Variants in CNTNAP2 observed in about 807,000 individuals in gnomAD.
CNTNAP2 encodes contactin-associated protein-like 2.
A neutral mutation model predicts 155.2 loss-of-function variants in CNTNAP2; 98 were observed. That is an observed-to-expected ratio of 0.63 (90% CI 0.54 to 0.75). The LOEUF is 0.75. Ranked by LOEUF, CNTNAP2 falls within the 30% of genes least tolerant of loss-of-function variation. CNTNAP2 has a pLI of 0.00. For missense variants in CNTNAP2, 1,727 were observed against 1,688.1 expected (o/e 1.02, Z -0.40); for synonymous variants, 651 against 631.2 (o/e 1.03, Z -0.47).
intron 20 of CNTNAP2, among the ~76,000 whole-genome samples, chr7:148,255,636 A>G (rs1796442631): frequency 6.6e-6 from 1 of 152,196 alleles, no homozygotes; most frequent in Non-Finnish European, 1.5e-5. Context: ...TATGATTTCA[A>G]TTACTCTAGA....
At chr7:147,060,942 G>A (rs1193155614) in intron 4 of CNTNAP2, among the ~76,000 whole-genome samples, 1 of 152,146 alleles carries the variant, frequency 6.6e-6, no homozygotes, top group Non-Finnish European at 1.5e-5. Flanking sequence ...CTGAGATGTA[G>A]TATTATGGAT....
chr7:146,739,933 A>C (rs181978029), intron 1 of CNTNAP2, among the ~76,000 whole-genome samples: 61 of 152,202 alleles, frequency 4.0e-4, no homozygotes, highest in Non-Finnish European at 7.5e-4. Context: ...CTTGGAGTCC[A>C]TTTAATCTTA....
At chr7:147,560,641 G>T (rs546618836) in intron 11 of CNTNAP2, among the ~76,000 whole-genome samples, 1 of 151,864 alleles carries the variant, frequency 6.6e-6, no homozygotes, top group Admixed American at 6.6e-5. Context: ...GAACAAACAC[G>T]GTTTCGAAGG....
intron 19 of CNTNAP2, among the ~76,000 whole-genome samples, chr7:148,222,362 C>G (rs964714624): frequency 1.3e-5 from 2 of 152,246 alleles, no homozygotes; most frequent in African/African-American, 4.8e-5. Flanking sequence ...TGGGAACTCT[C>G]TGCAGTTCTG....
chr7:147,370,772 C>T (rs1485410299), intron 9 of CNTNAP2, among the ~76,000 whole-genome samples: 1 of 152,112 alleles, frequency 6.6e-6, no homozygotes, highest in Non-Finnish European at 1.5e-5. Context: ...TCAAAAGATG[C>T]ATCTTTACAT....
At chr7:146,553,972 T>C (rs1221621405) in intron 1 of CNTNAP2, among the ~76,000 whole-genome samples, 3 of 152,152 alleles carry the variant, frequency 2.0e-5, no homozygotes, top group African/African-American at 7.2e-5. Flanking sequence ...TTGAAATAAA[T>C]ACTTGAAATG....
intron 1 of CNTNAP2, among the ~76,000 whole-genome samples, chr7:146,744,533 C>G (rs891893411): frequency 6.6e-6 from 1 of 152,146 alleles, no homozygotes; most frequent in Admixed American, 6.5e-5. Flanking sequence ...CTTTACGATG[C>G]CAACATTTCA....
chr7:146,914,861 CTTT>C, intron 3 of CNTNAP2, among the ~76,000 whole-genome samples: 1 of 150,990 alleles, frequency 6.6e-6, no homozygotes, highest in East Asian at 1.9e-4. Flanking sequence ...TTTGCATTTT[CTTT>C]TGGGTTCTTG....
chr7:146,269,965 A>C (rs1479663914), intron 1 of CNTNAP2, among the ~76,000 whole-genome samples: 1 of 152,172 alleles, frequency 6.6e-6, no homozygotes, highest in Non-Finnish European at 1.5e-5. Context: ...TGTCTTTGTT[A>C]AACATGGGAG....
chr7:146,668,346 G>T (rs1800234443), intron 1 of CNTNAP2, among the ~76,000 whole-genome samples: 1 of 151,544 alleles, frequency 6.6e-6, no homozygotes, highest in South Asian at 2.1e-4. Flanking sequence ...TTATCTTTGT[G>T]ATCTGTGCTG....
chr7:146,234,116 C>G (rs1273797573), intron 1 of CNTNAP2, among the ~76,000 whole-genome samples: 1 of 145,154 alleles, frequency 6.9e-6, no homozygotes, highest in Non-Finnish European at 1.5e-5. Flanking sequence ...TCCACATCTT[C>G]TCCAGCACCT....
chr7:148,316,607 A>G (rs1314951282), intron 21 of CNTNAP2, among the ~76,000 whole-genome samples: 1 of 152,224 alleles, frequency 6.6e-6, no homozygotes, highest in Non-Finnish European at 1.5e-5. Flanking sequence ...GAAATCATTA[A>G]CTGGTTTCCT....
intron 21 of CNTNAP2, among the ~76,000 whole-genome samples, chr7:148,335,978 C>A (rs1438027787): frequency 2.0e-5 from 3 of 152,140 alleles, no homozygotes; most frequent in African/African-American, 7.2e-5. Context: ...CTCCCTCATT[C>A]TCCTTCCCTT....
chr7:146,595,083 C>T (rs1798840466), intron 1 of CNTNAP2, among the ~76,000 whole-genome samples: 1 of 152,178 alleles, frequency 6.6e-6, no homozygotes, highest in South Asian at 2.1e-4. Context: ...TAATTATAAG[C>T]TCTCAACCAC....
chr7:147,300,069 T>G, intron 8 of CNTNAP2, 72 bp from the exon 9 acceptor site: 4 of 1,477,682 alleles, frequency 2.7e-6, no homozygotes, highest in Non-Finnish European at 2.8e-6. Context: ...AAATCGTGAT[T>G]TGTTGATTTT....
Position 146,494,340 on chromosome 7 carries a change from AAAAT to A in CNTNAP2, c.98-279919_98-279916del, listed in dbSNP as rs1383330302. Among the ~76,000 whole-genome samples, 19 of 151,048 alleles carry A rather than the reference AAAAT, an allele frequency of 1.3e-4. 1 individual carries two copies. The highest frequency in any genetic ancestry group is 7.8e-4 in the East Asian group (4 of 5,160). ...CAGAGCGAGACTCTATGTCTCAAAA[AAAAT>A]AAATAAATAAAAATAAATAAATAAA... On this transcript the variant is annotated intron_variant, in intron 1 of 23. Coordinates refer to ENST00000361727, the MANE Select transcript of CNTNAP2 (RefSeq NM_014141.6).
chr7:147,961,124 T>C (rs1399768598), intron 14 of CNTNAP2, among the ~76,000 whole-genome samples: 2 of 152,114 alleles, frequency 1.3e-5, no homozygotes, highest in Non-Finnish European at 2.9e-5. Flanking sequence ...GTCAGAGATC[T>C]CCTACCTGGC....
At chr7:147,770,504 T>C (rs1042329553) in intron 13 of CNTNAP2, among the ~76,000 whole-genome samples, 3 of 152,206 alleles carry the variant, frequency 2.0e-5, no homozygotes, top group East Asian at 1.9e-4. Context: ...ACTGTTTGTG[T>C]ATTTGCTTTG....
At chr7:146,239,726 T>A (rs184171411) in intron 1 of CNTNAP2, among the ~76,000 whole-genome samples, 1 of 152,218 alleles carries the variant, frequency 6.6e-6, no homozygotes, top group African/African-American at 2.4e-5. Flanking sequence ...GATACTTGTG[T>A]TTTATAGTCA....
Sources: allele counts gnomAD v4.1 joint callset (sites outside exome capture counted in the v4.1 genomes callset), GRCh38; gene constraint gnomAD v4.1.1; transcripts MANE v1.5; gene names NCBI Gene and HGNC (gene_info 2026-07-23, HGNC 2026-07-21).